The following FRMPD2 variants were observed in gnomAD, a reference collection of about 807,000 sequenced individuals.
The protein encoded by FRMPD2 is FERM and PDZ domain-containing protein 2.
A neutral mutation model predicts 140.1 loss-of-function variants in FRMPD2; 96 were observed. The ratio of observed to expected loss-of-function variants is 0.69; its 90% confidence interval spans 0.58 to 0.81. The LOEUF is 0.81. Ranked by LOEUF, FRMPD2 falls within the 40% of genes least tolerant of loss-of-function variation. The pLI is 0.00. For synonymous variants in FRMPD2, 449 were observed against 547.6 expected, an observed-to-expected ratio of 0.82 and a Z score of 2.52; for missense variants, 1,240 against 1,447.4, an observed-to-expected ratio of 0.86 and a Z score of 2.32.
rs1840382469 is a variant in FRMPD2, at chr10:48,251,565, C to A, written c.151+1G>T. The A allele has an allele frequency of 6.2e-7, 1 of 1,613,562 alleles. No individual in the cohort carries two copies. The highest frequency in any genetic ancestry group is 2.2e-5 in the East Asian group (1 of 44,884). On this transcript the variant is annotated splice_donor_variant, in intron 2 of 28. Coordinates refer to ENST00000374201, the MANE Select transcript of FRMPD2 (RefSeq NM_001018071.4). LOFTEE classifies it high-confidence loss of function. ...TTGACTGCCCCCAAACACTCTCTTACCGTTGCGGAGGTCTTCCAGGAGCTG... is the reference window on the plus strand; with the variant it reads ...TTGACTGCCCCCAAACACTCTCTTAACGTTGCGGAGGTCTTCCAGGAGCTG...
intron 2 of FRMPD2, among the ~76,000 whole-genome samples, chr10:48,249,787 A>G (rs965381872): frequency 6.6e-6 from 1 of 152,166 alleles, no homozygotes; most frequent in African/African-American, 2.4e-5. Context: ...ATCCTTGGAT[A>G]CCGCTACCTT....
chr10:48,245,921 A>G (rs1840237303), intron 3 of FRMPD2, among the ~76,000 whole-genome samples: 1 of 152,278 alleles, frequency 6.6e-6, no homozygotes, highest in Non-Finnish European at 1.5e-5. Context: ...TTGGTTTAAT[A>G]CAAGTGGTTT....
At chr10:48,213,625 T>C (rs192365264) in intron 12 of FRMPD2, among the ~76,000 whole-genome samples, 34 of 152,036 alleles carry the variant, frequency 2.2e-4, no homozygotes, top group African/African-American at 8.2e-4. Context: ...ATCCAGACAA[T>C]GAAATATTGT....
chr10:48,197,133 A>T (rs890358133), intron 15 of FRMPD2, among the ~76,000 whole-genome samples: 1 of 152,166 alleles, frequency 6.6e-6, no homozygotes, highest in African/African-American at 2.4e-5. Flanking sequence ...ATAAGCTACC[A>T]TTATTTTCTG....
intron 15 of FRMPD2, among the ~76,000 whole-genome samples, chr10:48,196,752 A>G (rs1170023432): frequency 6.6e-6 from 1 of 152,244 alleles, no homozygotes; most frequent in Non-Finnish European, 1.5e-5. Context: ...ATGAAGAAAT[A>G]TTTTAAAAAG....
chr10:48,206,184 A>G lies in FRMPD2; in HGVS notation c.1797+564T>C, dbSNP rs1588828914. Among the ~76,000 whole-genome samples the G allele has an allele frequency of 2.0e-5, 3 of 152,298 alleles. 1 individual carries two copies. On this transcript the variant is annotated intron_variant, in intron 14 of 28. Transcript: ENST00000374201. The stretch of plus-strand genomic sequence containing the variant: ...TGTTCAAGTAGATTCCAAATGTTGT[A>G]TACTTAATGGGGATTTTCTATTCAA...
intron 1 of FRMPD2, among the ~76,000 whole-genome samples, chr10:48,273,971 T>C (rs1012426499): frequency 3.9e-5 from 6 of 152,082 alleles, no homozygotes; most frequent in African/African-American, 1.4e-4. Flanking sequence ...GCCAGGTGAA[T>C]CATTTCTTTT....
intron 21 of FRMPD2, among the ~76,000 whole-genome samples, chr10:48,180,230 G>A (rs566282978): frequency 6.6e-6 from 1 of 152,310 alleles, no homozygotes; most frequent in South Asian, 2.1e-4. Flanking sequence ...GCTGTGCAGG[G>A]CCCAGAGCAG....
chr10:48,215,895 T>C (rs1400554178), intron 12 of FRMPD2, among the ~76,000 whole-genome samples: 1 of 152,226 alleles, frequency 6.6e-6, no homozygotes, highest in East Asian at 1.9e-4. Flanking sequence ...ATTCTGGGTG[T>C]GACTGTGAGG....
At chr10:48,199,159 G>A (rs921515121) in intron 15 of FRMPD2, among the ~76,000 whole-genome samples, 1 of 151,456 alleles carries the variant, frequency 6.6e-6, no homozygotes, top group African/African-American at 2.4e-5. Flanking sequence ...AGTGTGACCG[G>A]ATCCATACTC....
intron 14 of FRMPD2, among the ~76,000 whole-genome samples, chr10:48,204,816 G>A (rs1384968483): frequency 1.3e-5 from 2 of 152,122 alleles, no homozygotes; most frequent in Non-Finnish European, 2.9e-5. Context: ...GATTTAACTA[G>A]TGCTGATAAC....
At chr10:48,191,496 G>C (rs1376397186) in intron 16 of FRMPD2, among the ~76,000 whole-genome samples, 1 of 152,178 alleles carries the variant, frequency 6.6e-6, no homozygotes, top group Non-Finnish European at 1.5e-5. Context: ...ATAGATGCTC[G>C]AAACCGTTTT....
intron 14 of FRMPD2, among the ~76,000 whole-genome samples, chr10:48,206,337 C>T (rs576662390): frequency 6.6e-6 from 1 of 152,280 alleles, no homozygotes; most frequent in Non-Finnish European, 1.5e-5. Context: ...AATTAAAACA[C>T]GGGAAGAAGT....
chr10:48,231,780 G>A (rs185180357), intron 10 of FRMPD2, among the ~76,000 whole-genome samples: 181 of 152,232 alleles, frequency 1.2e-3, no homozygotes, highest in African/African-American at 4.0e-3. Flanking sequence ...TAGGGTCAGG[G>A]TACTAAGTCC....
chr10:48,249,977 G>A (rs749549490), intron 2 of FRMPD2, among the ~76,000 whole-genome samples: 8 of 152,188 alleles, frequency 5.3e-5, no homozygotes, highest in Non-Finnish European at 1.0e-4. Flanking sequence ...GCAAGTGTGA[G>A]GCCACCTGGA....
At chr10:48,238,921 T>A (rs1303234096) in intron 7 of FRMPD2, among the ~76,000 whole-genome samples, 2 of 152,176 alleles carry the variant, frequency 1.3e-5, no homozygotes, top group Non-Finnish European at 2.9e-5. Flanking sequence ...GCCAACAGAA[T>A]GAAGTGGAAA....
intron 12 of FRMPD2, among the ~76,000 whole-genome samples, chr10:48,215,769 T>A (rs10218938): frequency 6.6e-6 from 1 of 151,908 alleles, no homozygotes; most frequent in Non-Finnish European, 1.5e-5. Context: ...AGAAGCAGGG[T>A]GAGATCAGTC....
chr10:48,201,628 G>A (rs183896194), intron 14 of FRMPD2: 4 of 352,892 alleles, frequency 1.1e-5, no homozygotes, highest in African/African-American at 6.3e-5. Flanking sequence ...TTCAAGGAGT[G>A]TGCTGGGTGA....
intron 5 of FRMPD2, among the ~76,000 whole-genome samples, chr10:48,241,442 C>A (rs1206403754): frequency 3.9e-5 from 6 of 152,226 alleles, no homozygotes; most frequent in Non-Finnish European, 5.9e-5. Flanking sequence ...CATGGGGGAC[C>A]AACTCCATGG....
Sources: allele counts gnomAD v4.1 joint callset (sites outside exome capture counted in the v4.1 genomes callset), GRCh38; gene constraint gnomAD v4.1.1; transcripts MANE v1.5; gene names NCBI Gene and HGNC (gene_info 2026-07-23, HGNC 2026-07-21).